Variants in ADAM8 observed in about 807,000 individuals in gnomAD.
ADAM8 encodes the protein disintegrin and metalloproteinase domain-containing protein 8.
ADAM8 carries 104 observed loss-of-function variants against 102.4 expected under a neutral mutation model. That is an observed-to-expected ratio of 1.02 (90% CI 0.87 to 1.20). The LOEUF is 1.20. Among genes scored for constraint, ADAM8 ranks in the 50% most tolerant of loss-of-function variants. The pLI, the probability that ADAM8 is intolerant of heterozygous loss-of-function variation, is 0.00. For missense variants in ADAM8, 1,132 were observed against 1,159.0 expected, an observed-to-expected ratio of 0.98 and a Z score of 0.34; for synonymous variants, 517 against 485.2, an observed-to-expected ratio of 1.07 and a Z score of -0.86.
At chr10:133,271,170 TGG>T in intron 13 of ADAM8, 28 bp downstream of exon 13, 1 of 1,604,510 alleles carries the variant, frequency 6.2e-7, no homozygotes, top group Non-Finnish European at 8.5e-7. Flanking sequence ...CCATGGGCTC[TGG>T]GGGTCACTGG....
At chr10:133,267,089 G>A (rs1002270379) in intron 21 of ADAM8, among the ~76,000 whole-genome samples, 4 of 152,080 alleles carry the variant, frequency 2.6e-5, no homozygotes, top group African/African-American at 9.7e-5. Flanking sequence ...CTTGGTGGGC[G>A]GAGCAGGTCT....
Position 133,268,020 on chromosome 10 carries a change from C to A in ADAM8, c.2162G>T (p.Arg721Met). ...GGTGGGGACCAGCTCTTGGGGGCCC[C>A]TGGATGGGGCTGGAGCCCCGCCCTT... ...PAKGGAPAPS[R>M]GPQELVPTTH... The change falls in exon 20 of 23, where the codon AGG (arginine) becomes ATG (methionine). Residue 721 changes from arginine (R) to methionine (M), a missense_variant. Arg to Met is a moderately conservative substitution (Grantham distance 91). Coordinates refer to ENST00000445355, the MANE Select transcript of ADAM8 (RefSeq NM_001109.5). 1 of 1,260,478 alleles carries A rather than the reference C, an allele frequency of 7.9e-7. No homozygotes were observed. Among genetic ancestry groups the A allele is most frequent in the East Asian group, 3.1e-5 (1 of 32,382 alleles). The allele number at this position is 1,260,478 out of a possible 1,614,324, so 78.1% of individuals were successfully genotyped here. A position where few individuals can be genotyped will look rare whatever the true frequency, so the allele number is the denominator to read the frequency against.
Position 133,268,742 on chromosome 10 carries a change from C to G in ADAM8, c.2063+6G>C. Reference sequence around the variant, plus strand: ...CACCCTCCGTCACAGCCCCCACCACCCTCACCTGCTCAGGATGCGGCTCCG... The same window carrying G: ...CACCCTCCGTCACAGCCCCCACCACGCTCACCTGCTCAGGATGCGGCTCCG... On this transcript the variant is annotated splice_donor_region_variant and intron_variant, in intron 19 of 22. Coordinates refer to ENST00000445355, the MANE Select transcript of ADAM8 (RefSeq NM_001109.5). 6.2e-7 allele frequency: 1 copy of G among 1,608,410 alleles called. No individual in the cohort carries two copies. Among genetic ancestry groups the G allele is most frequent in the African/African-American group, 1.3e-5 (1 of 75,040 alleles).
In ADAM8 at chr10:133,267,976, C is replaced by T. The variant is rs1357843862; in HGVS notation, c.2206G>A (p.Ala736Thr). Residue 736 changes from alanine (A) to threonine (T), a missense_variant, in exon 20 of 23, where the codon GCC (alanine) becomes ACC (threonine). By Grantham distance (58) the Ala-to-Thr change is moderately conservative (BLOSUM62 0). Transcript: ENST00000445355. ...GCCACCGAGGAGGCCGGGTGTCGGG[C>T]GGGCTGGCCCGGGTGGGTGGTGGGG... Reference protein sequence around the residue: ...LVPTTHPGQPARHPASSVALK... With the variant: ...LVPTTHPGQPTRHPASSVALK... 4.0e-6 allele frequency: 5 copies of T among 1,259,296 alleles called. No homozygotes were observed. The highest frequency in any genetic ancestry group is 3.9e-5 in the South Asian group (1 of 25,584). 78.0% of individuals were successfully genotyped at this position (1,259,296 alleles called of 1,614,324 possible).
intron 1 of ADAM8, among the ~76,000 whole-genome samples, chr10:133,276,407 C>G (rs1846753308): frequency 6.6e-6 from 1 of 152,244 alleles, no homozygotes; most frequent in East Asian, 1.9e-4. Context: ...CCCTCCCTTC[C>G]CTCCTCGGCT....
Position 133,272,532 on chromosome 10 carries a change from A to C in ADAM8, c.759T>G (p.Asn253Lys). ...GGCTGACGTGGAACCTGTCCTGACT[A>C]TTCCAAATCTCCAGGCCCACCAGGA... ...RVVLVGLEIW[N>K]SQDRFHVSPD... The change falls in exon 9 of 23, where the codon AAT becomes AAG. Residue 253 changes from asparagine to lysine, a missense_variant. Physicochemically the swap from Asn to Lys is moderately conservative, Grantham distance 94 (BLOSUM62 0). Coordinates refer to ENST00000445355, the MANE Select transcript of ADAM8 (RefSeq NM_001109.5). The C allele has an allele frequency of 6.2e-7, 1 of 1,611,946 alleles. No homozygotes were observed.
In ADAM8 at chr10:133,273,418, G is replaced by A. The variant is rs1168532480; in HGVS notation, c.409C>T (p.Leu137=). Residue 137 remains leucine, a synonymous_variant, in exon 6 of 23, where the codon CTG becomes TTG. Coordinates refer to ENST00000445355, the MANE Select transcript of ADAM8 (RefSeq NM_001109.5). ...LRGFFQVGSD[L]HLIEPLDEGG... ...TCATCCAGGGGCTCGATCAGGTGCA[G>A]GTCTGACCCCACCTGGAAGAAACCC... The A allele has an allele frequency of 4.5e-6, 7 of 1,544,368 alleles. No individual in the cohort carries two copies. Among genetic ancestry groups the A allele is most frequent in the Non-Finnish European group, 5.2e-6 (6 of 1,142,898 alleles).
chr10:133,275,891 C>A (rs914219774), intron 1 of ADAM8: 3 of 356,574 alleles, frequency 8.4e-6, no homozygotes, highest in African/African-American at 2.1e-5. Flanking sequence ...TCTGGAGGGG[C>A]CCGAGGGCAA....
chr10:133,265,062 C>T (rs1193299694), intron 21 of ADAM8, among the ~76,000 whole-genome samples: 3 of 136,666 alleles, frequency 2.2e-5, no homozygotes, highest in Admixed American at 1.5e-4. Flanking sequence ...TCTACCTCCA[C>T]GCCCAGCTCC....
chr10:133,275,542 A>T lies in ADAM8; in HGVS notation c.92T>A (p.Val31Asp). 6.6e-7 allele frequency: 1 copy of T among 1,516,644 alleles called. No individual in the cohort carries two copies. The highest frequency in any genetic ancestry group is 8.8e-7 in the Non-Finnish European group (1 of 1,134,004). The allele number at this position is 1,516,644 out of a possible 1,614,324, so 93.9% of individuals were successfully genotyped here. A position where few individuals can be genotyped will look rare whatever the true frequency, so the allele number is the denominator to read the frequency against. ...RPWALMEQYE[V>D]VLPWRLPGPR... is the part of the protein sequence containing the mutation. ...GCCTGGCAGACGCCACGGCAACACGACCTCATACTGCTCCATGAGGGCCCA... is the reference window on the plus strand; with the variant it reads ...GCCTGGCAGACGCCACGGCAACACGTCCTCATACTGCTCCATGAGGGCCCA... Residue 31 changes from valine to aspartate, a missense_variant, in exon 2 of 23, where the codon GTC becomes GAC. Coordinates refer to ENST00000445355, the MANE Select transcript of ADAM8 (RefSeq NM_001109.5).
At chr10:133,270,085 G>T in intron 16 of ADAM8, 111 bp from the exon 17 acceptor site, 3 of 1,319,026 alleles carry the variant, frequency 2.3e-6, no homozygotes, top group Non-Finnish European at 3.2e-6. Flanking sequence ...CGTCCAAGGT[G>T]GCTGTGCTTC....
Position 133,270,995 on chromosome 10 carries a change from GGTGCCGGCC to G in ADAM8, c.1441_1449del (p.Gly481_His483del). On this transcript the variant is annotated inframe_deletion, in exon 14 of 23. Coordinates refer to ENST00000445355, the MANE Select transcript of ADAM8 (RefSeq NM_001109.5). Reference sequence around the variant, plus strand: ...TGGAAGGCGTCTTCCGGGCACTCAGGGTGCCGGCCGTCACAGAACTCCTCGAGGTCACAC... The same window carrying G: ...TGGAAGGCGTCTTCCGGGCACTCAGGGTCACAGAACTCCTCGAGGTCACAC... 1 of 1,612,824 alleles carries G rather than the reference GGTGCCGGCC, an allele frequency of 6.2e-7. No individual in the cohort carries two copies. The highest frequency in any genetic ancestry group is 1.7e-5 in the Admixed American group (1 of 60,026).
rs1589803365 is a variant in ADAM8, at chr10:133,268,120, T to C, written c.2064-2A>G. ...ATTGTGGTCTTGGGAGCCACGTTCCTGGGGAGGAAGCACAGGGCGCATGGT... is the reference window on the plus strand; with the variant it reads ...ATTGTGGTCTTGGGAGCCACGTTCCCGGGGAGGAAGCACAGGGCGCATGGT... On this transcript the variant is annotated splice_acceptor_variant, in intron 19 of 22. Coordinates refer to ENST00000445355, the MANE Select transcript of ADAM8 (RefSeq NM_001109.5). LOFTEE classifies it high-confidence loss of function. 7.9e-7 allele frequency: 1 copy of C among 1,266,318 alleles called. No individual in the cohort carries two copies. The allele number at this position is 1,266,318 out of a possible 1,614,324, so 78.4% of individuals were successfully genotyped here.
chr10:133,270,552 C>T, intron 15 of ADAM8, 42 bp from the exon 16 acceptor site: 1 of 1,565,384 alleles, frequency 6.4e-7, no homozygotes. Flanking sequence ...TGCCTGGGAG[C>T]ATGCTGGGGA....
At chr10:133,272,370 C>T (rs1275520620) in intron 9 of ADAM8, 46 bp downstream of exon 9, 3 of 1,092,882 alleles carry the variant, frequency 2.7e-6, no homozygotes, top group Non-Finnish European at 1.3e-6. Flanking sequence ...ACCCTGCCCG[C>T]CCTCCCTCCC....
intron 1 of ADAM8, 60 bp from the exon 2 acceptor site, chr10:133,275,647 C>T: frequency 2.3e-6 from 2 of 861,324 alleles, no homozygotes; most frequent in Non-Finnish European, 1.7e-6. Flanking sequence ...TTCCCAGAGG[C>T]CTCCTGGGCC....
At chr10:133,270,615 C>G in intron 15 of ADAM8, 105 bp from the exon 16 acceptor site, 1 of 1,541,104 alleles carries the variant, frequency 6.5e-7, no homozygotes, top group Non-Finnish European at 8.8e-7. Context: ...GCGCTTGAGC[C>G]TGGGGTCCAT....
At position 133,270,427 on chromosome 10, in the gene ADAM8, G is replaced by A. The variant is rs551247898; in HGVS notation, c.1718C>T (p.Ala573Val). Residue 573 changes from alanine to valine, a missense_variant, in exon 16 of 23, where the codon GCG becomes GTG. Ala to Val is a moderately conservative substitution (Grantham distance 64, BLOSUM62 0). Transcript: ENST00000445355. ...RAICIVDVCH[A>V]LTTEDGTAYE... ...CGCAGTGCCATCCTCTGTGGTGAGCGCGTGGCACACATCCACGATGCAGAT... is the reference window on the plus strand; with the variant it reads ...CGCAGTGCCATCCTCTGTGGTGAGCACGTGGCACACATCCACGATGCAGAT... 87 of 1,606,648 alleles carry A rather than the reference G, an allele frequency of 5.4e-5. No homozygotes were observed. The highest frequency in any genetic ancestry group is 1.3e-4 in the African/African-American group (10 of 74,954).
Position 133,263,593 on chromosome 10 carries a change from C to A in ADAM8, c.2397+95G>T, listed in dbSNP as rs186282934. On this transcript the variant is annotated intron_variant, in intron 22 of 22. Coordinates refer to ENST00000445355, the MANE Select transcript of ADAM8 (RefSeq NM_001109.5). Reference sequence around the variant, plus strand: ...TTATCCACAGATAATCAGAAAAAAACCCCACCCTCCAGGGCAGTGCCACCG... The same window carrying A: ...TTATCCACAGATAATCAGAAAAAAAACCCACCCTCCAGGGCAGTGCCACCG... 3.7e-4 allele frequency: 22 copies of A among 59,528 alleles called. No individual in the cohort carries two copies. In the East Asian group the frequency reaches 4.4e-3, roughly 12 times the overall value. The allele number at this position is 59,528 out of a possible 1,614,324, so 3.7% of individuals were successfully genotyped here.
Sources: gnomAD v4.1 joint callset for allele counts (sites outside exome capture counted in the v4.1 genomes callset) on GRCh38, gnomAD v4.1.1 for gene constraint, MANE v1.5 for transcripts, NCBI Gene and HGNC (gene_info 2026-07-23, HGNC 2026-07-21) for gene names.